Variants in LTAP1 observed in about 807,000 individuals in gnomAD.
LTAP1 encodes the protein lipid transport auxiliary protein 1.
the LTAP1 span, chr1:154,220,360 C>A: frequency 3.7e-6 from 6 of 1,614,130 alleles, no homozygotes; most frequent in African/African-American, 1.3e-5. Flanking sequence ...CGTAGGCCAT[C>A]ACCAGCACGA....
chr1:154,217,297 GCATT>G, the LTAP1 span, among the ~76,000 whole-genome samples: 1 of 152,114 alleles, frequency 6.6e-6, no homozygotes, highest in Non-Finnish European at 1.5e-5. Flanking sequence ...TACAATAAAT[GCATT>G]CATTTTATGT....
At chr1:154,212,236 A>T in the LTAP1 span, 1 of 1,407,546 alleles carries the variant, frequency 7.1e-7, no homozygotes, top group African/African-American at 1.4e-5. Context: ...TTTTGTTTAT[A>T]TGCTTTATGA....
At chr1:154,207,265 T>C in the LTAP1 span, 61 of 528,584 alleles carry the variant, frequency 1.2e-4, no homozygotes, top group Middle Eastern at 2.3e-3. Context: ...GTTCTAAAAA[T>C]GCTCATAAGG....
the LTAP1 span, chr1:154,207,326 A>G: frequency 6.1e-6 from 5 of 824,916 alleles, no homozygotes; most frequent in Non-Finnish European, 1.0e-5. Flanking sequence ...CTCTGGATAC[A>G]ACGGGAACTT....
the LTAP1 span, among the ~76,000 whole-genome samples, chr1:154,215,839 T>A: frequency 5.3e-4 from 79 of 147,754 alleles, no homozygotes; most frequent in African/African-American, 2.0e-3. Flanking sequence ...CCACTAACTT[T>A]CTTTTTTTTT....
the LTAP1 span, among the ~76,000 whole-genome samples, chr1:154,218,097 TATA>T: frequency 2.6e-5 from 4 of 152,210 alleles, no homozygotes; most frequent in Non-Finnish European, 4.4e-5. Flanking sequence ...ACTCAGCCTA[TATA>T]ATAATTGAAA....
the LTAP1 span, chr1:154,220,402 C>A: frequency 1.2e-6 from 2 of 1,614,122 alleles, no homozygotes; most frequent in Non-Finnish European, 8.5e-7. Context: ...TACTGCCGGA[C>A]GCCATGGCCT....
the LTAP1 span, chr1:154,220,585 A>G: frequency 6.2e-6 from 4 of 641,406 alleles, no homozygotes; most frequent in African/African-American, 1.8e-5. Flanking sequence ...AGAGCTGGGA[A>G]AGGAGAACGA....
the LTAP1 span, among the ~76,000 whole-genome samples, chr1:154,219,143 A>G: frequency 1.3e-5 from 2 of 152,222 alleles, no homozygotes; most frequent in African/African-American, 2.4e-5. Flanking sequence ...TGGCAGTGGG[A>G]TAGCAATAAT....
At chr1:154,220,464 G>GC in the LTAP1 span, 1 of 1,605,830 alleles carries the variant, frequency 6.2e-7, no homozygotes, top group Non-Finnish European at 8.5e-7. Context: ...TGGCTGGTCA[G>GC]CCCAGGCTCC....
the LTAP1 span, chr1:154,207,581 G>A: frequency 6.2e-7 from 1 of 1,614,028 alleles, no homozygotes; most frequent in Non-Finnish European, 8.5e-7. Flanking sequence ...GAGACCTCAG[G>A]GGACTGAGTT....
chr1:154,218,121 T>A, the LTAP1 span, among the ~76,000 whole-genome samples: 2 of 152,190 alleles, frequency 1.3e-5, no homozygotes, highest in African/African-American at 4.8e-5. Context: ...AGTGGACATT[T>A]GAATTAAGTT....
At chr1:154,214,055 A>T in the LTAP1 span, 1 of 955,492 alleles carries the variant, frequency 1.0e-6, no homozygotes, top group Non-Finnish European at 1.6e-6. Flanking sequence ...AGGTGGGTGG[A>T]TCACCTGAGG....
the LTAP1 span, among the ~76,000 whole-genome samples, chr1:154,216,790 A>G: frequency 6.6e-6 from 1 of 152,012 alleles, no homozygotes; most frequent in Non-Finnish European, 1.5e-5. Flanking sequence ...CTGGGATTAC[A>G]GGCGTGAACC....
the LTAP1 span, among the ~76,000 whole-genome samples, chr1:154,207,883 T>TCACC: frequency 2.6e-5 from 4 of 152,170 alleles, no homozygotes; most frequent in African/African-American, 9.6e-5. Context: ...GGTGGATTGT[T>TCACC]TGAGGTCAGG....
At chr1:154,216,294 T>C in the LTAP1 span, among the ~76,000 whole-genome samples, 3 of 151,596 alleles carry the variant, frequency 2.0e-5, no homozygotes, top group African/African-American at 7.3e-5. Context: ...TTGATACAAA[T>C]GGAAAAATAC....
the LTAP1 span, among the ~76,000 whole-genome samples, chr1:154,215,401 C>T: frequency 6.6e-6 from 1 of 151,750 alleles, no homozygotes; most frequent in Non-Finnish European, 1.5e-5. Flanking sequence ...CCTGTCTCTA[C>T]TAAAAATACA....
the LTAP1 span, among the ~76,000 whole-genome samples, chr1:154,207,916 C>CATGGT: frequency 6.6e-6 from 1 of 152,018 alleles, no homozygotes; most frequent in Non-Finnish European, 1.5e-5. Flanking sequence ...GCCTGGCCAA[C>CATGGT]ATGGTGAAAC....
chr1:154,216,338 A>T, the LTAP1 span, among the ~76,000 whole-genome samples: 1 of 101,274 alleles, frequency 9.9e-6, no homozygotes, highest in African/African-American at 3.1e-5. Flanking sequence ...TTTAAAAAAA[A>T]AATTTTTTTT....
Sources: gnomAD v4.1 joint callset for allele counts (sites outside exome capture counted in the v4.1 genomes callset) on GRCh38, gnomAD v4.1.1 for gene constraint, MANE v1.5 for transcripts, NCBI Gene and HGNC (gene_info 2026-07-23, HGNC 2026-07-21) for gene names.